ZNF385D: variants seen among roughly 807,000 people sequenced by gnomAD.
ZNF385D encodes zinc finger protein 659.
In ZNF385D, 15 loss-of-function variants were observed where a neutral mutation model predicts 35.8. That is an observed-to-expected ratio of 0.42 (90% CI 0.28 to 0.64). ZNF385D has a LOEUF of 0.64. Ranked by LOEUF, ZNF385D falls within the 30% of genes least tolerant of loss-of-function variation. The probability of loss-of-function intolerance (pLI) is 0.23; values close to 1 mark genes in which losing one functional copy is unlikely to be tolerated. For synonymous variants in ZNF385D, 212 were observed against 186.8 expected (o/e 1.13, Z -1.10); for missense variants, 474 against 494.6 (o/e 0.96, Z 0.39).
intron 4 of ZNF385D, among the ~76,000 whole-genome samples, chr3:21,472,789 C>T (rs1274428558): frequency 6.6e-6 from 1 of 151,958 alleles, no homozygotes; most frequent in Non-Finnish European, 1.5e-5. Context: ...CAAGCTGTAA[C>T]CAATCGAGTT....
At chr3:21,816,686 A>G (rs1035645496) in intron 3 of ZNF385D, among the ~76,000 whole-genome samples, 64 of 152,194 alleles carry the variant, frequency 4.2e-4, no homozygotes, top group African/African-American at 1.5e-3. Flanking sequence ...AATAAAAGAG[A>G]ACACAAAAAA....
intron 3 of ZNF385D, among the ~76,000 whole-genome samples, chr3:21,550,869 C>G (rs1272051633): frequency 6.6e-6 from 1 of 152,192 alleles, no homozygotes; most frequent in Non-Finnish European, 1.5e-5. Flanking sequence ...ATCAGGCCTT[C>G]AAGCAATGTT....
intron 3 of ZNF385D, among the ~76,000 whole-genome samples, chr3:21,966,266 A>C (rs1311043578): frequency 6.6e-6 from 1 of 152,194 alleles, no homozygotes; most frequent in Non-Finnish European, 1.5e-5. Context: ...CATCTAGCAC[A>C]GCTTTTAAAG....
intron 3 of ZNF385D, among the ~76,000 whole-genome samples, chr3:21,970,013 C>T (rs934879201): frequency 3.3e-5 from 5 of 152,088 alleles, no homozygotes; most frequent in Non-Finnish European, 7.4e-5. Flanking sequence ...TTGGGTGTCC[C>T]CTAAGGCAGA....
intron 3 of ZNF385D, among the ~76,000 whole-genome samples, chr3:21,557,622 A>AT (rs1019961889): frequency 2.0e-5 from 3 of 151,730 alleles, no homozygotes; most frequent in Non-Finnish European, 4.4e-5. Flanking sequence ...CTGAAATTTT[A>AT]TTTTTTTGTC....
intron 1 of ZNF385D, among the ~76,000 whole-genome samples, chr3:21,669,838 G>A (rs1485677395): frequency 6.6e-6 from 1 of 152,122 alleles, no homozygotes; most frequent in Non-Finnish European, 1.5e-5. Context: ...TATCTTGACT[G>A]CCTCAGAAGA....
At chr3:22,104,634 C>T (rs755931292) in intron 3 of ZNF385D, among the ~76,000 whole-genome samples, 1 of 151,406 alleles carries the variant, frequency 6.6e-6, no homozygotes, top group African/African-American at 2.4e-5. Flanking sequence ...AAAACGACAA[C>T]AGGCAACAGT....
chr3:22,001,102 C>G (rs1695816817), intron 3 of ZNF385D, among the ~76,000 whole-genome samples: 1 of 151,892 alleles, frequency 6.6e-6, no homozygotes. Context: ...TACAAAATAA[C>G]CAGAAAGCAA....
At chr3:21,743,918 A>G (rs935750767) in intron 1 of ZNF385D, among the ~76,000 whole-genome samples, 1 of 152,272 alleles carries the variant, frequency 6.6e-6, no homozygotes, top group African/African-American at 2.4e-5. Flanking sequence ...CACAAAGTCA[A>G]GTCAAAACAC....
At position 21,835,520 on chromosome 3, in the gene ZNF385D, T is replaced by TAA. The variant is rs35748841; in HGVS notation, c.326-170494_326-170493dup. Among the ~76,000 whole-genome samples the TAA allele has an allele frequency of 3.2e-3, 467 of 145,072 alleles. 4 individuals carry two copies. The highest frequency in any genetic ancestry group is 0.012 in the Admixed American group (172 of 14,524). On this transcript the variant is annotated intron_variant, in intron 3 of 5. Transcript: ENST00000494108. The stretch of plus-strand genomic sequence containing the variant: ...CAGGGTGGATCAAAGTGATACTACT[T>TAA]AAAAAAAAAAAAACTAAACCAAATA...
At chr3:22,014,133 T>C (rs1576154049) in intron 3 of ZNF385D, among the ~76,000 whole-genome samples, 1 of 152,068 alleles carries the variant, frequency 6.6e-6, no homozygotes, top group African/African-American at 2.4e-5. Context: ...TGACTAAATA[T>C]AGAAGGTTTT....
chr3:22,007,617 G>C (rs879608045), intron 3 of ZNF385D, among the ~76,000 whole-genome samples: 1 of 152,112 alleles, frequency 6.6e-6, no homozygotes, highest in Non-Finnish European at 1.5e-5. Flanking sequence ...TATGAAAGTA[G>C]GTATTTCGTC....
At chr3:21,487,253 T>C (rs1308903636) in intron 4 of ZNF385D, among the ~76,000 whole-genome samples, 3 of 151,974 alleles carry the variant, frequency 2.0e-5, no homozygotes, top group Non-Finnish European at 4.4e-5. Flanking sequence ...CCATAAAATA[T>C]TGTGGCCTTT....
intron 1 of ZNF385D, among the ~76,000 whole-genome samples, chr3:21,690,947 CT>C (rs1224640724): frequency 6.6e-6 from 1 of 152,186 alleles, no homozygotes; most frequent in Non-Finnish European, 1.5e-5. Flanking sequence ...TCTTGGAACT[CT>C]GGCGTTCTAC....
At chr3:22,239,813 A>G (rs1699386946) in intron 2 of ZNF385D, among the ~76,000 whole-genome samples, 1 of 150,938 alleles carries the variant, frequency 6.6e-6, no homozygotes, top group East Asian at 2.0e-4. Flanking sequence ...TGAGTTTTTC[A>G]TATAATGCAG....
At chr3:21,671,649 T>C (rs1431969721) in intron 1 of ZNF385D, among the ~76,000 whole-genome samples, 1 of 152,078 alleles carries the variant, frequency 6.6e-6, no homozygotes, top group Admixed American at 6.6e-5. Context: ...AACAACAATA[T>C]GATAAAAACA....
chr3:22,330,140 T>C (rs1390520248), intron 2 of ZNF385D, among the ~76,000 whole-genome samples: 1 of 152,230 alleles, frequency 6.6e-6, no homozygotes, highest in Non-Finnish European at 1.5e-5. Context: ...TGAGTACATA[T>C]TTTATTCTCA....
At chr3:21,943,378 C>G (rs975431952) in intron 3 of ZNF385D, among the ~76,000 whole-genome samples, 6 of 150,808 alleles carry the variant, frequency 4.0e-5, no homozygotes, top group African/African-American at 1.5e-4. Flanking sequence ...TTTGACTTAT[C>G]CTGTCTTATC....
chr3:21,635,333 T>C (rs1253719221), intron 2 of ZNF385D, among the ~76,000 whole-genome samples: 1 of 152,132 alleles, frequency 6.6e-6, no homozygotes, highest in Non-Finnish European at 1.5e-5. Context: ...ACTACATGCC[T>C]GGTCCGTTCG....
Sources: gnomAD v4.1 joint callset for allele counts (sites outside exome capture counted in the v4.1 genomes callset) on GRCh38, gnomAD v4.1.1 for gene constraint, MANE v1.5 for transcripts, NCBI Gene and HGNC (gene_info 2026-07-23, HGNC 2026-07-21) for gene names.